Variants in CMTM4 observed in about 807,000 individuals in gnomAD.
CMTM4 encodes CKLF like MARVEL transmembrane domain containing 4.
In CMTM4, 8 loss-of-function variants were observed where a neutral mutation model predicts 19.0. That is an observed-to-expected ratio of 0.42 (90% confidence interval 0.25 to 0.76). The LOEUF (loss-of-function observed/expected upper bound fraction) is 0.76. Among genes scored for constraint, CMTM4 ranks in the 30% least tolerant of loss-of-function variants. The pLI, the probability that CMTM4 is intolerant of heterozygous loss-of-function variation, is 0.27. For synonymous variants in CMTM4, 106 were observed against 121.1 expected (o/e 0.88, Z 0.82); for missense variants, 228 against 290.2 (o/e 0.79, Z 1.56).
At chr16:66,631,452 G>C (rs1299923539) in intron 2 of CMTM4, among the ~76,000 whole-genome samples, 2 of 152,178 alleles carry the variant, frequency 1.3e-5, no homozygotes, top group Non-Finnish European at 2.9e-5. Context: ...CATTGAGAAC[G>C]GGCCATGATG....
the CMTM4 span, among the ~76,000 whole-genome samples, chr16:66,603,539 A>G: frequency 6.6e-6 from 1 of 152,082 alleles, no homozygotes; most frequent in Non-Finnish European, 1.5e-5. Context: ...CACCCACCTC[A>G]GCCTCCCAAC....
chr16:66,684,555 AG>A (rs2016999244), intron 1 of CMTM4, among the ~76,000 whole-genome samples: 1 of 152,186 alleles, frequency 6.6e-6, no homozygotes, highest in South Asian at 2.1e-4. Flanking sequence ...AACCAGTGAT[AG>A]CCCCCATCTC....
At chr16:66,695,599 T>C (rs1378252749) in intron 1 of CMTM4, among the ~76,000 whole-genome samples, 2 of 152,148 alleles carry the variant, frequency 1.3e-5, no homozygotes, top group Non-Finnish European at 2.9e-5. Context: ...CACAGGACCC[T>C]GAGAAATGAG....
chr16:66,624,157 T>C (rs2015691174), intron 2 of CMTM4, among the ~76,000 whole-genome samples: 1 of 152,232 alleles, frequency 6.6e-6, no homozygotes, highest in Non-Finnish European at 1.5e-5. Flanking sequence ...CTACTTTGTT[T>C]CTGTGCTTTA....
chr16:66,614,213 T>C (rs528175534), downstream of CMTM4, among the ~76,000 whole-genome samples: 1 of 152,322 alleles, frequency 6.6e-6, no homozygotes, highest in East Asian at 1.9e-4. The surrounding 1 kb of genome is among the most constrained non-coding windows in gnomAD (Gnocchi z 4.9). Context: ...TCCTAACAGG[T>C]CCCATGGTAC....
At chr16:66,683,286 C>CTTTTTTTTTTTTTTTTTTT (rs781263895) in intron 1 of CMTM4, among the ~76,000 whole-genome samples, 1 of 78,840 alleles carries the variant, frequency 1.3e-5, no homozygotes, top group Non-Finnish European at 2.4e-5. Context: ...TTTTTCTTTT[C>CTTTTTTTTTTTTTTTTTTT]TTTTTTTTTT....
chr16:66,656,794 G>T (rs1373939678), intron 1 of CMTM4, among the ~76,000 whole-genome samples: 1 of 152,004 alleles, frequency 6.6e-6, no homozygotes, highest in South Asian at 2.1e-4. Context: ...CCCTTCTGTG[G>T]TGTTCCCGAC....
At chr16:66,649,290 T>TA (rs1299529053) in intron 1 of CMTM4, among the ~76,000 whole-genome samples, 2 of 152,226 alleles carry the variant, frequency 1.3e-5, no homozygotes, top group East Asian at 3.9e-4. Flanking sequence ...ATTTTTTTTT[T>TA]AAAGTAGTAT....
intron 1 of CMTM4, among the ~76,000 whole-genome samples, chr16:66,685,283 A>C (rs916684926): frequency 7.9e-5 from 12 of 152,212 alleles, no homozygotes; most frequent in Admixed American, 7.9e-4. Flanking sequence ...GTCATCCTGC[A>C]AAAGCATTTG....
chr16:66,653,912 T>G (rs1035321872), intron 1 of CMTM4, among the ~76,000 whole-genome samples: 1 of 150,938 alleles, frequency 6.6e-6, no homozygotes, highest in Admixed American at 6.6e-5. Flanking sequence ...TTTTTATGTG[T>G]TTTTTTTTAG....
intron 1 of CMTM4, among the ~76,000 whole-genome samples, chr16:66,672,508 G>C (rs1194478458): frequency 6.7e-6 from 1 of 150,364 alleles, no homozygotes; most frequent in Admixed American, 6.7e-5. Context: ...TTATATATAG[G>C]CTGATAATAT....
downstream of CMTM4, chr16:66,609,917 C>T (rs1433616461): frequency 1.2e-6 from 2 of 1,614,070 alleles, no homozygotes; most frequent in African/African-American, 2.7e-5. This position sits in a 1 kb window ranked among gnomAD's most constrained non-coding sequence, Gnocchi z 4.4. Flanking sequence ...GTGTTTGCAA[C>T]TGATTTCTAC....
intron 2 of CMTM4, among the ~76,000 whole-genome samples, chr16:66,632,059 T>C (rs1596913167): frequency 6.6e-6 from 1 of 151,820 alleles, no homozygotes; most frequent in African/African-American, 2.4e-5. Flanking sequence ...CCAGCCTGGG[T>C]TCTGAGATAG....
At chr16:66,664,282 T>C (rs2016552148) in intron 1 of CMTM4, among the ~76,000 whole-genome samples, 3 of 149,460 alleles carry the variant, frequency 2.0e-5, no homozygotes, top group Non-Finnish European at 4.5e-5. Context: ...AGAGAACTCA[T>C]AGCCAACAAA....
the CMTM4 span, chr16:66,608,158 C>T: frequency 1.3e-6 from 1 of 784,164 alleles, no homozygotes; most frequent in Non-Finnish European, 2.1e-6. The surrounding 1 kb of genome is among the most constrained non-coding windows in gnomAD (Gnocchi z 5.1). Flanking sequence ...GGATTCTAAT[C>T]TGGCTCTGCC....
intron 2 of CMTM4, among the ~76,000 whole-genome samples, chr16:66,628,213 C>A (rs1042112017): frequency 6.6e-6 from 1 of 152,334 alleles, no homozygotes; most frequent in South Asian, 2.1e-4. Context: ...CGAGACATTC[C>A]GTTCCCAGGG....
intron 1 of CMTM4, among the ~76,000 whole-genome samples, chr16:66,638,074 C>T (rs2016030256): frequency 6.6e-6 from 1 of 152,342 alleles, no homozygotes; most frequent in East Asian, 1.9e-4. Flanking sequence ...GATGCCGCCA[C>T]CTCCTCCCCA....
At chr16:66,601,425 A>G in the CMTM4 span, among the ~76,000 whole-genome samples, 1 of 152,084 alleles carries the variant, frequency 6.6e-6, no homozygotes, top group Non-Finnish European at 1.5e-5. Context: ...TCCTCTCTGT[A>G]CCTGGTCCTC....
chr16:66,696,395 C>T lies in CMTM4; in HGVS notation c.131G>A (p.Arg44His). ...VSQRRGLAGL[R>H]CDPDYLRGAL... ...GCCGCGCAGGTAGTCGGGGTCGCAGCGCAGGCCGGCCAGCCCGCGGCGCTG... is the reference window on the plus strand; with the variant it reads ...GCCGCGCAGGTAGTCGGGGTCGCAGTGCAGGCCGGCCAGCCCGCGGCGCTG... Residue 44 changes from arginine (R) to histidine (H), a missense_variant, in exon 1 of 4, where the codon CGC becomes CAC. Around this residue, in one of 3 missense-constraint regions of CMTM4, gnomAD observed 200 missense variants for 226.6 expected, o/e 0.88. Transcript: ENST00000394106. The surrounding 1 kb of genome is among the most constrained non-coding windows in gnomAD (Gnocchi z 4.3). 7.1e-7 allele frequency: 1 copy of T among 1,417,298 alleles called. No individual in the cohort carries two copies. The highest frequency in any genetic ancestry group is 9.2e-7 in the Non-Finnish European group (1 of 1,086,914). The allele number at this position is 1,417,298 out of a possible 1,614,324, so 87.8% of individuals were successfully genotyped here. A position where few individuals can be genotyped will look rare whatever the true frequency, so the allele number is the denominator to read the frequency against.
Sources: gnomAD v4.1 joint callset for allele counts (sites outside exome capture counted in the v4.1 genomes callset) on GRCh38, gnomAD v4.1.1 for gene constraint, gnomAD v4.1.1 regional missense constraint, Gnocchi (gnomAD v3.1) non-coding constraint, MANE v1.5 for transcripts, NCBI Gene and HGNC (gene_info 2026-07-23, HGNC 2026-07-21) for gene names.